QRFPR: variants seen among roughly 807,000 people sequenced by gnomAD.
QRFPR encodes pyroglutamylated RFamide peptide receptor, also known as pyroglutamylated RF-amide peptide receptor.
A neutral mutation model predicts 31.3 loss-of-function variants in QRFPR; 37 were observed. The observed-to-expected ratio is 1.18, with a 90% CI of 0.91 to 1.56. QRFPR has a LOEUF of 1.56. QRFPR is among the 40% of genes most tolerant of loss of function. The pLI is 0.00. For missense variants in QRFPR, 542 were observed against 532.5 expected (o/e 1.02, Z -0.18); for synonymous variants, 197 against 192.0 (o/e 1.03, Z -0.22).
In QRFPR at chr4:121,351,809, CA is replaced by C. The variant is rs1418014598; in HGVS notation, c.341-11200del. On this transcript the variant is annotated intron_variant, in intron 1 of 5. Transcript: ENST00000394427. Reference sequence around the variant, plus strand: ...GTAATTTATGTACTCAGTTGTTCACCAAAGATACAACTCCGAGTTAGTATAA... The same window carrying C: ...GTAATTTATGTACTCAGTTGTTCACCAAGATACAACTCCGAGTTAGTATAA... 2.0e-5 allele frequency among the ~76,000 whole-genome samples: 3 copies of C among 146,998 alleles called. No individual in the cohort carries two copies. In the East Asian group the frequency reaches 6.0e-4, roughly 29 times the overall value.
intron 1 of QRFPR, among the ~76,000 whole-genome samples, chr4:121,361,894 A>G (rs1403997116): frequency 6.7e-6 from 1 of 150,232 alleles, no homozygotes; most frequent in African/African-American, 2.5e-5. Context: ...CCCACTCCCA[A>G]CACTGCTCCT....
intron 3 of QRFPR, chr4:121,334,401 C>T (rs1463582728): frequency 6.3e-6 from 1 of 159,444 alleles, no homozygotes; most frequent in African/African-American, 2.4e-5. Context: ...TGAAGTGTCA[C>T]GCTGGGTCTA....
chr4:121,353,341 A>T (rs548742217), intron 1 of QRFPR, among the ~76,000 whole-genome samples: 2 of 152,066 alleles, frequency 1.3e-5, no homozygotes, highest in Non-Finnish European at 2.9e-5. Flanking sequence ...CCAACAGTGT[A>T]TGAGGTTTCT....
At chr4:121,368,951 G>T (rs895170393) in intron 1 of QRFPR, among the ~76,000 whole-genome samples, 18 of 152,276 alleles carry the variant, frequency 1.2e-4, no homozygotes, top group African/African-American at 4.1e-4. Context: ...CACACAACAG[G>T]GGCAAGCTTT....
rs554793898 is a variant in QRFPR, at chr4:121,380,042, A to G, written c.340+266T>C. 9.9e-5 allele frequency among the ~76,000 whole-genome samples: 15 copies of G among 152,130 alleles called. No individual in the cohort carries two copies. In the South Asian group the frequency reaches 2.9e-3, roughly 30 times the overall value. ...CTATGTCTCTAAGCCACAAGGAGGAAGCACTGGAGGGGAATCAGAGGCGGC... is the reference window on the plus strand; with the variant it reads ...CTATGTCTCTAAGCCACAAGGAGGAGGCACTGGAGGGGAATCAGAGGCGGC... On this transcript the variant is annotated intron_variant, in intron 1 of 5. Transcript: ENST00000394427.
chr4:121,336,926 A>G, intron 2 of QRFPR, 58 bp from the exon 3 acceptor site: 1 of 1,416,710 alleles, frequency 7.1e-7, no homozygotes, highest in Non-Finnish European at 1.0e-6. Flanking sequence ...ACATCCATGC[A>G]TAATTATCTA....
At chr4:121,363,124 A>C (rs57922642) in intron 1 of QRFPR, among the ~76,000 whole-genome samples, 4,338 of 149,952 alleles carry the variant, frequency 0.029, 454 homozygotes, top group African/African-American at 0.098. Flanking sequence ...ACAATGTTCA[A>C]GACCAACCTG....
In QRFPR at chr4:121,329,049, T is replaced by G. The variant is rs1725269054; in HGVS notation, c.*265A>C. On this transcript the variant is annotated 3_prime_UTR_variant, in exon 6 of 6. Transcript: ENST00000394427. Reference sequence around the variant, plus strand: ...GATTACAGGCATGAGCCACCGTGCCTGGCCTTCCATGTTGCTTTTTTAAGG... The same window carrying G: ...GATTACAGGCATGAGCCACCGTGCCGGGCCTTCCATGTTGCTTTTTTAAGG... 6.5e-6 allele frequency: 2 copies of G among 306,658 alleles called. No homozygotes were observed. Among genetic ancestry groups the G allele is most frequent in the East Asian group, 6.2e-5 (1 of 16,206 alleles). 19.0% of individuals were successfully genotyped at this position (306,658 alleles called of 1,614,324 possible).
chr4:121,329,679 T>G lies in QRFPR; in HGVS notation c.931A>C (p.Lys311Gln). Reference sequence around the variant, plus strand: ...ATTTGCACGATAGCAAAAATCATCTTGATTGTGACATCATCATATTCCTTT... The same window carrying G: ...ATTTGCACGATAGCAAAAATCATCTGGATTGTGACATCATCATATTCCTTT... ...FEKEYDDVTIKMIFAIVQIIG... is the reference protein window; with the variant it reads ...FEKEYDDVTIQMIFAIVQIIG... The change falls in exon 6 of 6, where the codon AAG (lysine) becomes CAG (glutamine). Residue 311 changes from lysine to glutamine, a missense_variant. Lys to Gln is a moderately conservative substitution (Grantham distance 53). Transcript: ENST00000394427. 6.4e-7 allele frequency: 1 copy of G among 1,569,272 alleles called. No individual in the cohort carries two copies. The highest frequency in any genetic ancestry group is 1.2e-5 in the South Asian group (1 of 83,368).
intron 1 of QRFPR, among the ~76,000 whole-genome samples, chr4:121,360,038 G>T (rs545773135): frequency 5.8e-4 from 88 of 152,002 alleles, no homozygotes; most frequent in African/African-American, 2.1e-3. Flanking sequence ...CCTCTATTAT[G>T]AGTTAGTAAT....
intron 2 of QRFPR, among the ~76,000 whole-genome samples, chr4:121,338,209 T>A (rs755751312): frequency 6.6e-6 from 1 of 152,232 alleles, no homozygotes; most frequent in Admixed American, 6.5e-5. Flanking sequence ...TACACATCTG[T>A]TCTATTTTAA....
chr4:121,329,120 T>TGG lies in QRFPR; in HGVS notation c.*193_*194insCC. On this transcript the variant is annotated 3_prime_UTR_variant, in exon 6 of 6. Coordinates refer to ENST00000394427, the MANE Select transcript of QRFPR (RefSeq NM_198179.3). ...GAATGAGAAGGAACACAGAAATCTGTTAAATGATTGTGATCAATTGGTTGT... is the reference window on the plus strand; with the variant it reads ...GAATGAGAAGGAACACAGAAATCTGTGGTAAATGATTGTGATCAATTGGTTGT... 1.0e-5 allele frequency: 5 copies of TGG among 496,546 alleles called. No individual in the cohort carries two copies. Among genetic ancestry groups the TGG allele is most frequent in the South Asian group, 8.1e-5 (2 of 24,578 alleles). The allele number at this position is 496,546 out of a possible 1,614,324, so 30.8% of individuals were successfully genotyped here.
intron 2 of QRFPR, among the ~76,000 whole-genome samples, chr4:121,338,497 G>A (rs1006652301): frequency 1.3e-5 from 2 of 152,156 alleles, no homozygotes; most frequent in African/African-American, 4.8e-5. Flanking sequence ...AAAATATTAT[G>A]AGATTTTTTT....
At chr4:121,335,580 G>GA (rs1443196712) in intron 3 of QRFPR, among the ~76,000 whole-genome samples, 6 of 83,472 alleles carry the variant, frequency 7.2e-5, no homozygotes, top group South Asian at 9.6e-4. Context: ...ATGGGGGGTG[G>GA]GGGGTGGGGC....
intron 1 of QRFPR, among the ~76,000 whole-genome samples, chr4:121,363,975 G>A (rs1214384070): frequency 6.7e-6 from 1 of 149,930 alleles, no homozygotes; most frequent in Non-Finnish European, 1.5e-5. Flanking sequence ...GTGGAGAAAA[G>A]CAACCAGACA....
intron 1 of QRFPR, among the ~76,000 whole-genome samples, chr4:121,365,566 T>A (rs1478326286): frequency 0.016 from 45 of 2,890 alleles, 2 homozygotes; most frequent in South Asian, 0.058. Flanking sequence ...TAATATATAT[T>A]ATATATAATA....
At chr4:121,359,858 G>T (rs1360887088) in intron 1 of QRFPR, among the ~76,000 whole-genome samples, 1 of 151,226 alleles carries the variant, frequency 6.6e-6, no homozygotes, top group Non-Finnish European at 1.5e-5. Context: ...TTCCTCTAGG[G>T]AACCCTGACT....
In QRFPR at chr4:121,364,588, C is replaced by T. The variant is rs540122959; in HGVS notation, c.340+15720G>A. Among the ~76,000 whole-genome samples the T allele has an allele frequency of 1.7e-4, 25 of 147,684 alleles. No individual in the cohort carries two copies. The Middle Eastern group carries it at 0.014, about 84-fold the overall frequency. ...CTGGGAGGCGGAGCTTGCTGTGAGC[C>T]GAGATTGCGCCACTGCACTCCAGCC... On this transcript the variant is annotated intron_variant, in intron 1 of 5. Transcript: ENST00000394427.
intron 1 of QRFPR, among the ~76,000 whole-genome samples, chr4:121,348,811 G>T (rs1725708176): frequency 6.6e-6 from 1 of 152,002 alleles, no homozygotes; most frequent in African/African-American, 2.4e-5. Flanking sequence ...AAATATCCTG[G>T]TTACGGCCGG....
Sources: gnomAD v4.1 joint callset for allele counts (sites outside exome capture counted in the v4.1 genomes callset) on GRCh38, gnomAD v4.1.1 for gene constraint, MANE v1.5 for transcripts, NCBI Gene and HGNC (gene_info 2026-07-23, HGNC 2026-07-21) for gene names.